Variants in FRY observed in about 807,000 individuals in gnomAD.
FRY encodes the protein FRY microtubule binding protein, also known as protein furry homolog.
In FRY, 128 loss-of-function variants were observed where a neutral mutation model predicts 348.4. The observed-to-expected ratio is 0.37, with a 90% CI of 0.32 to 0.43. FRY has a LOEUF of 0.43. Ranked by LOEUF, FRY falls within the 20% of genes least tolerant of loss-of-function variation. The probability of loss-of-function intolerance (pLI) is 1.00; values close to 1 mark genes in which losing one functional copy is unlikely to be tolerated. For synonymous variants in FRY, 1,370 were observed against 1,374.7 expected, an observed-to-expected ratio of 1.00 and a Z score of 0.08; for missense variants, 2,736 against 3,695.2, an observed-to-expected ratio of 0.74 and a Z score of 6.73.
At chr13:32,137,271 G>T (rs1879781357) in intron 11 of FRY, among the ~76,000 whole-genome samples, 1 of 152,118 alleles carries the variant, frequency 6.6e-6, no homozygotes, top group Non-Finnish European at 1.5e-5. Flanking sequence ...TTATCTAAAT[G>T]ATTTAAAAAT....
rs1262635790 is a variant in FRY, at chr13:32,031,788, C to A, written c.-8C>A. The A allele has an allele frequency of 1.3e-6, 2 of 1,595,632 alleles. No homozygotes were observed. On this transcript the variant is annotated 5_prime_UTR_variant, in exon 1 of 61. Transcript: ENST00000542859. ...CCCGTCCTCCCAGCCTCTTTGTATG[C>A]CGCAGACATGGCCAGCCAGCAGGAT...
intron 1 of FRY, among the ~76,000 whole-genome samples, chr13:32,045,377 A>G (rs548897748): frequency 6.6e-6 from 1 of 152,246 alleles, no homozygotes; most frequent in African/African-American, 2.4e-5. Flanking sequence ...CATCTGGAGC[A>G]CTCACAATTC....
intron 1 of FRY, among the ~76,000 whole-genome samples, chr13:32,065,163 A>T (rs1874176540): frequency 6.6e-6 from 1 of 152,162 alleles, no homozygotes; most frequent in African/African-American, 2.4e-5. Context: ...CTTATCTTTT[A>T]AAAAATATTT....
chr13:32,233,426 A>G (rs1272652760), intron 41 of FRY, among the ~76,000 whole-genome samples: 16 of 152,244 alleles, frequency 1.1e-4, no homozygotes, highest in Admixed American at 1.0e-3. Flanking sequence ...GAATTCAGTC[A>G]TGAGCTTTAT....
intron 13 of FRY, 117 bp downstream of exon 13, chr13:32,148,064 T>A: frequency 1.4e-6 from 1 of 723,890 alleles, no homozygotes; most frequent in East Asian, 2.5e-5. Context: ...TGTTTAGACT[T>A]CTGTGAAAGA....
intron 1 of FRY, 86 bp downstream of exon 1, chr13:32,031,951 A>G (rs1872245534): frequency 1.3e-6 from 1 of 762,882 alleles, no homozygotes; most frequent in Non-Finnish European, 2.4e-6. Context: ...CTGGACACAT[A>G]TGTTTGTGAG....
intron 11 of FRY, among the ~76,000 whole-genome samples, chr13:32,143,877 T>A (rs1880234516): frequency 6.6e-6 from 1 of 152,122 alleles, no homozygotes; most frequent in Non-Finnish European, 1.5e-5. Flanking sequence ...ATTCCTGTGA[T>A]GGAGGTAGGA....
chr13:32,093,687 G>A (rs1352653295), intron 2 of FRY, among the ~76,000 whole-genome samples: 1 of 152,084 alleles, frequency 6.6e-6, no homozygotes, highest in Non-Finnish European at 1.5e-5. Flanking sequence ...GATGTTCAGC[G>A]CCAAGTCTCA....
chr13:32,120,658 ATTCT>A (rs758166987), intron 4 of FRY, among the ~76,000 whole-genome samples: 1 of 151,692 alleles, frequency 6.6e-6, no homozygotes, highest in Non-Finnish European at 1.5e-5. Context: ...CCATTGTATC[ATTCT>A]TTTTTGTTTG....
At chr13:32,283,148 A>AC (rs922497755) in intron 58 of FRY, among the ~76,000 whole-genome samples, 14 of 152,030 alleles carry the variant, frequency 9.2e-5, no homozygotes, top group African/African-American at 3.4e-4. Flanking sequence ...CTCAAAAAAA[A>AC]AAAACAAAAC....
chr13:32,088,924 A>G (rs1185392298), intron 2 of FRY, among the ~76,000 whole-genome samples: 2 of 152,172 alleles, frequency 1.3e-5, no homozygotes, highest in African/African-American at 2.4e-5. Flanking sequence ...TCTTTGTACT[A>G]TTTACAAAGA....
chr13:32,204,218 A>G (rs1224672017), intron 31 of FRY, among the ~76,000 whole-genome samples: 6 of 152,222 alleles, frequency 3.9e-5, no homozygotes, highest in African/African-American at 1.4e-4. Context: ...ACTACCCCAT[A>G]GGATGTGAAG....
At chr13:32,263,332 C>A (rs2138550463) in intron 53 of FRY, among the ~76,000 whole-genome samples, 1 of 152,218 alleles carries the variant, frequency 6.6e-6, no homozygotes, top group Admixed American at 6.5e-5. Context: ...ATTGGCTATT[C>A]TATATTCTCT....
intron 35 of FRY, among the ~76,000 whole-genome samples, chr13:32,213,706 G>T (rs1303221409): frequency 1.3e-5 from 2 of 152,052 alleles, no homozygotes; most frequent in Non-Finnish European, 1.5e-5. Context: ...TTATTGTTTT[G>T]TCTGAGTTTC....
chr13:32,193,742 C>A (rs768385787), intron 28 of FRY, among the ~76,000 whole-genome samples: 1 of 152,028 alleles, frequency 6.6e-6, no homozygotes, highest in African/African-American at 2.4e-5. Flanking sequence ...CCCACCACCA[C>A]GCCCAGCTAA....
Position 32,239,319 on chromosome 13 carries a change from C to A in FRY, c.6486C>A (p.Phe2162Leu), listed in dbSNP as rs1299303641. 1.9e-6 allele frequency: 3 copies of A among 1,609,400 alleles called. No homozygotes were observed. The highest frequency in any genetic ancestry group is 1.1e-5 in the South Asian group (1 of 90,990). Residue 2162 changes from phenylalanine to leucine, a missense_variant, in exon 45 of 61, where the codon TTC becomes TTA. Coordinates refer to ENST00000542859, the MANE Select transcript of FRY (RefSeq NM_023037.3). The surrounding 1 kb of genome is among the most constrained non-coding windows in gnomAD (Gnocchi z 4.3). The stretch of plus-strand genomic sequence containing the variant: ...AGCATTTTGAAAATCCCAATCAGTT[C>A]TGTAAGGATATAGCCGAAAGGATTG... ...LIQHFENPNQFCKDIAERIAQ... is the reference protein window; with the variant it reads ...LIQHFENPNQLCKDIAERIAQ...
In FRY at chr13:32,259,577, G is replaced by A. The variant is rs530140204; in HGVS notation, c.7417-2039G>A. Among the ~76,000 whole-genome samples the A allele has an allele frequency of 5.3e-5, 8 of 152,262 alleles. No individual in the cohort carries two copies. The East Asian group carries it at 9.6e-4, about 18-fold the overall frequency. ...TGCAGCGTGGGAGACCTCCAGAATC[G>A]CTGCCTAAGATAGTTCATCCAACCC... On this transcript the variant is annotated intron_variant, in intron 51 of 60. Coordinates refer to ENST00000542859, the MANE Select transcript of FRY (RefSeq NM_023037.3).
chr13:32,183,911 A>C (rs1242950242), intron 24 of FRY, among the ~76,000 whole-genome samples: 1 of 152,108 alleles, frequency 6.6e-6, no homozygotes, highest in African/African-American at 2.4e-5. Context: ...CCAATGTAGA[A>C]GGATTACTTG....
At chr13:32,107,260 G>A (rs980710872) in intron 3 of FRY, among the ~76,000 whole-genome samples, 3 of 152,184 alleles carry the variant, frequency 2.0e-5, no homozygotes, top group Non-Finnish European at 2.9e-5. Context: ...GGGAGGCTGA[G>A]GCAGGAGAAT....
Sources: allele counts gnomAD v4.1 joint callset (sites outside exome capture counted in the v4.1 genomes callset), GRCh38; gene constraint gnomAD v4.1.1; non-coding constraint Gnocchi (gnomAD v3.1); transcripts MANE v1.5; gene names NCBI Gene and HGNC (gene_info 2026-07-23, HGNC 2026-07-21).